PIEZO2: variants seen among roughly 807,000 people sequenced by gnomAD.
PIEZO2 encodes piezo type mechanosensitive ion channel component 2.
Under a neutral mutation model 337.3 loss-of-function variants are expected in PIEZO2, and 172 were observed. That is an observed-to-expected ratio of 0.51 (90% CI 0.45 to 0.58). The LOEUF (loss-of-function observed/expected upper bound fraction) is 0.58, where lower values mean the gene tolerates loss of function less well. Among genes scored for constraint, PIEZO2 ranks in the 20% least tolerant of loss-of-function variants. The pLI, the probability that PIEZO2 is intolerant of heterozygous loss-of-function variation, is 0.00. For synonymous variants in PIEZO2, 1,251 were observed against 1,228.5 expected, an observed-to-expected ratio of 1.02 and a Z score of -0.38; for missense variants, 3,028 against 3,391.3, an observed-to-expected ratio of 0.89 and a Z score of 2.66.
chr18:10,692,209 T>C (rs868506666), intron 47 of PIEZO2, among the ~76,000 whole-genome samples: 2 of 152,152 alleles, frequency 1.3e-5, no homozygotes, highest in Non-Finnish European at 2.9e-5. Context: ...CATTTTAGAA[T>C]ATAATTTCAA....
chr18:10,707,789 G>A lies in PIEZO2; in HGVS notation c.5588+486C>T, dbSNP rs1398744494. Among the ~76,000 whole-genome samples the A allele has an allele frequency of 1.3e-5, 2 of 152,136 alleles. No individual in the cohort carries two copies. The stretch of plus-strand genomic sequence containing the variant: ...TATATTCTGACTTTTATGTCAATTA[G>A]GCAGATAACATGCAGACTTATTTAA... On this transcript the variant is annotated intron_variant, in intron 40 of 55. Transcript: ENST00000674853. The surrounding 1 kb of genome is among the most constrained non-coding windows in gnomAD (Gnocchi z 4.2).
chr18:10,681,431 T>A (rs2034259856), intron 51 of PIEZO2, among the ~76,000 whole-genome samples: 2 of 152,228 alleles, frequency 1.3e-5, no homozygotes, highest in Admixed American at 6.5e-5. Flanking sequence ...AAACAATTTT[T>A]AAAATGGATC....
chr18:11,139,159 C>T (rs2040571058), intron 1 of PIEZO2, among the ~76,000 whole-genome samples: 1 of 152,174 alleles, frequency 6.6e-6, no homozygotes, highest in African/African-American at 2.4e-5. Flanking sequence ...AGGTTTGCAA[C>T]AATCCTCTGA....
intron 18 of PIEZO2, among the ~76,000 whole-genome samples, chr18:10,780,011 T>C (rs529747693): frequency 6.6e-6 from 1 of 152,240 alleles, no homozygotes; most frequent in Admixed American, 6.5e-5. Context: ...AGTTATGTGT[T>C]CAAGAGGGAG....
intron 32 of PIEZO2, among the ~76,000 whole-genome samples, chr18:10,742,133 G>C (rs541391840): frequency 6.6e-6 from 1 of 152,024 alleles, no homozygotes; most frequent in African/African-American, 2.4e-5. Flanking sequence ...CCAGCCTGGG[G>C]GACAGAGCGA....
rs1470332204 is a variant in PIEZO2 at position 10,671,352 on chromosome 18, G to T, written c.*175C>A. On this transcript the variant is annotated 3_prime_UTR_variant, in exon 56 of 56. Transcript: ENST00000674853. The stretch of plus-strand genomic sequence containing the variant: ...AGTTACAAATAACATTTTCAACAGT[G>T]CCTTAACTTGCAAGGTAGCTTTTAC... 1.1e-5 allele frequency: 7 copies of T among 608,776 alleles called. No individual in the cohort carries two copies. The highest frequency in any genetic ancestry group is 3.8e-5 in the African/African-American group (2 of 53,110). 37.7% of individuals were successfully genotyped at this position (608,776 alleles called of 1,614,324 possible). A position where few individuals can be genotyped will look rare whatever the true frequency, so the allele number is the denominator to read the frequency against.
chr18:10,773,668 T>C lies in PIEZO2; in HGVS notation c.2568-39A>G, dbSNP rs1402964515. ...GCAGCTGAGTCAGAAGAGGAAAGGG[T>C]GTTGGGAGAGATTTGACTGAGGGGC... On this transcript the variant is annotated intron_variant, in intron 19 of 55. Coordinates refer to ENST00000674853, the MANE Select transcript of PIEZO2 (RefSeq NM_001378183.1). The surrounding 1 kb of genome is among the most constrained non-coding windows in gnomAD (Gnocchi z 5.3). 2.0e-6 allele frequency: 3 copies of C among 1,523,090 alleles called. No homozygotes were observed. The African/African-American group carries it at 4.1e-5, about 21-fold the overall frequency. The allele number at this position is 1,523,090 out of a possible 1,614,324, so 94.3% of individuals were successfully genotyped here.
chr18:10,728,781 T>C (rs1330505519), intron 36 of PIEZO2, among the ~76,000 whole-genome samples: 1 of 151,510 alleles, frequency 6.6e-6, no homozygotes, highest in Non-Finnish European at 1.5e-5. Flanking sequence ...TGGTGAAACC[T>C]CGTCTCTACT....
intron 43 of PIEZO2, among the ~76,000 whole-genome samples, chr18:10,700,575 T>G (rs2156619): frequency 0.23 from 34,513 of 151,858 alleles, 3,963 homozygotes; most frequent in South Asian, 0.28. Context: ...TGAACATTGA[T>G]GAAAAGATAG....
chr18:10,789,420 C>T, intron 14 of PIEZO2, 55 bp from the exon 15 acceptor site: 3 of 1,483,972 alleles, frequency 2.0e-6, no homozygotes, highest in South Asian at 1.4e-5. Context: ...GCAGACCACA[C>T]TTTGACCATG....
intron 7 of PIEZO2, among the ~76,000 whole-genome samples, chr18:10,817,146 A>C (rs7233402): frequency 0.21 from 32,010 of 152,120 alleles, 3,576 homozygotes; most frequent in African/African-American, 0.28. Flanking sequence ...GTCAGTTGGA[A>C]AGTTCTTTTC....
At chr18:11,019,379 T>C (rs2036233030) in intron 2 of PIEZO2, among the ~76,000 whole-genome samples, 1 of 152,206 alleles carries the variant, frequency 6.6e-6, no homozygotes, top group South Asian at 2.1e-4. Flanking sequence ...AACCTGGATA[T>C]CAGTTCATCC....
At chr18:10,772,503 GT>G (rs1173977537) in intron 20 of PIEZO2, among the ~76,000 whole-genome samples, 1 of 152,178 alleles carries the variant, frequency 6.6e-6, no homozygotes, top group Non-Finnish European at 1.5e-5. Flanking sequence ...TGGAGAGAAC[GT>G]TTCCAGTCCT....
intron 7 of PIEZO2, among the ~76,000 whole-genome samples, chr18:10,841,413 G>A (rs1334972233): frequency 6.6e-6 from 1 of 152,094 alleles, no homozygotes; most frequent in African/African-American, 2.4e-5. Context: ...AGTGGGGGAG[G>A]CCAAGGCAAG....
intron 1 of PIEZO2, among the ~76,000 whole-genome samples, chr18:11,084,054 G>A (rs2038836597): frequency 1.3e-5 from 2 of 151,760 alleles, no homozygotes; most frequent in African/African-American, 4.8e-5. Flanking sequence ...GTGGGTGCCT[G>A]TAATCCCAGT....
intron 4 of PIEZO2, among the ~76,000 whole-genome samples, chr18:10,905,341 T>C (rs1242367791): frequency 6.6e-6 from 1 of 152,118 alleles, no homozygotes. Context: ...TCAGCACTTT[T>C]GGGAGGCGGA....
chr18:11,137,684 G>C (rs2040528535), intron 1 of PIEZO2, among the ~76,000 whole-genome samples: 2 of 152,154 alleles, frequency 1.3e-5, no homozygotes, highest in South Asian at 4.1e-4. Flanking sequence ...CAGCAGGAGG[G>C]AGATGGCAGG....
chr18:11,043,739 G>A (rs954281471), intron 2 of PIEZO2, among the ~76,000 whole-genome samples: 1 of 151,888 alleles, frequency 6.6e-6, no homozygotes, highest in South Asian at 2.1e-4. Flanking sequence ...CTGTTGCCCA[G>A]GCTCATTGCA....
At chr18:10,752,608 A>T (rs967513120) in intron 28 of PIEZO2, 28 bp downstream of exon 28, 17 of 1,534,008 alleles carry the variant, frequency 1.1e-5, no homozygotes, top group Non-Finnish European at 1.5e-5. Context: ...GAAAACCGCA[A>T]ATGTGTTATG....
Sources: gnomAD v4.1 joint callset for allele counts (sites outside exome capture counted in the v4.1 genomes callset) on GRCh38, gnomAD v4.1.1 for gene constraint, Gnocchi (gnomAD v3.1) non-coding constraint, MANE v1.5 for transcripts, NCBI Gene and HGNC (gene_info 2026-07-23, HGNC 2026-07-21) for gene names.